The following TBX4 variants were observed in gnomAD, a reference collection of about 807,000 sequenced individuals.
TBX4 encodes T-box transcription factor 4.
TBX4 carries 13 observed loss-of-function variants against 54.6 expected under a neutral mutation model. The ratio of observed to expected loss-of-function variants is 0.24; its 90% CI spans 0.15 to 0.38. TBX4 has a LOEUF of 0.38. Among genes scored for constraint, TBX4 ranks in the 10% least tolerant of loss-of-function variants. TBX4 has a pLI of 1.00. For synonymous variants in TBX4, 314 were observed against 306.7 expected (o/e 1.02, Z -0.25); for missense variants, 631 against 728.5 (o/e 0.87, Z 1.54).
chr17:61,483,822 A>G lies in TBX4; in HGVS notation c.*306A>G, dbSNP rs1441593861. 9.6e-6 allele frequency: 4 copies of G among 415,288 alleles called. No homozygotes were observed. The highest frequency in any genetic ancestry group is 1.8e-5 in the Non-Finnish European group (4 of 220,212). 25.7% of individuals were successfully genotyped at this position (415,288 alleles called of 1,614,324 possible). On this transcript the variant is annotated 3_prime_UTR_variant, in exon 9 of 9. Coordinates refer to ENST00000644296, the MANE Select transcript of TBX4 (RefSeq NM_001321120.2). The surrounding 1 kb of genome is among the most constrained non-coding windows in gnomAD (Gnocchi z 6.6). ...ATGCCCGTGGGTGGGATGGGAGTGG[A>G]GGGTTCATATGAGTTATTGAGAGGG...
rs752070991 is a variant in TBX4 at position 61,478,725 on chromosome 17, C to T, written c.648C>T (p.Thr216=). 5 of 1,614,178 alleles carry T rather than the reference C, an allele frequency of 3.1e-6. No homozygotes were observed. Among genetic ancestry groups the T allele is most frequent in the Non-Finnish European group, 3.4e-6 (4 of 1,180,042 alleles). Residue 216 remains threonine, a synonymous_variant, in exon 6 of 9, where the codon ACC becomes ACT. Transcript: ENST00000644296. This position sits in a 1 kb window ranked among gnomAD's most constrained non-coding sequence, Gnocchi z 7.4. ...AFGSKNTAFC[T]HVFPETSFIS... The stretch of plus-strand genomic sequence containing the variant: ...GCTCCAAAAACACTGCTTTCTGCAC[C>T]CACGTGTTCCCAGAGACCTCCTTCA...
At chr17:61,455,064 T>G (rs1027084489) in intron 1 of TBX4, among the ~76,000 whole-genome samples, 14 of 152,196 alleles carry the variant, frequency 9.2e-5, no homozygotes, top group African/African-American at 2.9e-4. Context: ...GCGCTGGCCA[T>G]GTCCAGCGAG....
rs1258132210 is a variant in TBX4, at chr17:61,480,983, A to G, written c.1021+664A>G. 6.6e-6 allele frequency among the ~76,000 whole-genome samples: 1 copy of G among 152,210 alleles called. No individual in the cohort carries two copies. Among genetic ancestry groups the G allele is most frequent in the Non-Finnish European group, 1.5e-5 (1 of 68,044 alleles). Reference sequence around the variant, plus strand: ...TTGCAATGATTCGTGTTACTCCACCAGAAGACCTCATGGGGCTGCTGAAAT... The same window carrying G: ...TTGCAATGATTCGTGTTACTCCACCGGAAGACCTCATGGGGCTGCTGAAAT... On this transcript the variant is annotated intron_variant, in intron 8 of 8. Transcript: ENST00000644296. This position sits in a 1 kb window ranked among gnomAD's most constrained non-coding sequence, Gnocchi z 6.2.
At chr17:61,452,945 AG>A in intron 1 of TBX4, 3 of 985,464 alleles carry the variant, frequency 3.0e-6, no homozygotes, top group South Asian at 4.7e-5. Context: ...TGCAAGGCCA[AG>A]GAAGAGGGCC....
chr17:61,477,941 C>CAAAAAAAAAAAAAAAAAAGAAAAAA (rs2060633378), intron 5 of TBX4, among the ~76,000 whole-genome samples: 1 of 88,660 alleles, frequency 1.1e-5, no homozygotes, highest in Non-Finnish European at 2.3e-5. Flanking sequence ...GATTCCATCT[C>CAAAAAAAAAAAAAAAAAAGAAAAAA]AAAAAAAAAA....
chr17:61,469,001 CG>C (rs1569038571), intron 5 of TBX4, among the ~76,000 whole-genome samples: 2 of 152,148 alleles, frequency 1.3e-5, no homozygotes, highest in Non-Finnish European at 2.9e-5. Flanking sequence ...ACCTGGCCCA[CG>C]ACGGCACACA....
In TBX4 at chr17:61,478,850, A is replaced by G. The variant is rs1248778854; in HGVS notation, c.702+71A>G. On this transcript the variant is annotated intron_variant, in intron 6 of 8. Transcript: ENST00000644296. This position sits in a 1 kb window ranked among gnomAD's most constrained non-coding sequence, Gnocchi z 7.4. ...CTGCGTTCTCTTCCACCAGGCAGAG[A>G]GGCAGAGTGTGAAGCCAGAGTCCCA... 21 of 1,611,632 alleles carry G rather than the reference A, an allele frequency of 1.3e-5. No homozygotes were observed. The Admixed American group carries it at 3.5e-4, about 27-fold the overall frequency.
chr17:61,475,117 C>G lies in TBX4; in HGVS notation c.550-3510C>G, dbSNP rs1321225972. ...CCCTCACCTAGTGGCTCCCACCTGC[C>G]CCTGTAGGACTGGCAGCTTCCCTCT... On this transcript the variant is annotated intron_variant, in intron 5 of 8. Coordinates refer to ENST00000644296, the MANE Select transcript of TBX4 (RefSeq NM_001321120.2). The surrounding 1 kb of genome is among the most constrained non-coding windows in gnomAD (Gnocchi z 5.0). Among the ~76,000 whole-genome samples the G allele has an allele frequency of 1.3e-5, 2 of 152,198 alleles. No individual in the cohort carries two copies. The highest frequency in any genetic ancestry group is 2.4e-5 in the African/African-American group (1 of 41,458).
chr17:61,458,180 G>A (rs554605303), intron 3 of TBX4, among the ~76,000 whole-genome samples: 25 of 152,058 alleles, frequency 1.6e-4, no homozygotes, highest in Non-Finnish European at 2.9e-4. Flanking sequence ...TGTTGGGGGA[G>A]CGGCTCTCGG....
At position 61,457,658 on chromosome 17, in the gene TBX4, G is replaced by A. The variant is rs749846449; in HGVS notation, c.281+27G>A. ...TCAGCGCTGGGAGATTTACTTCCGGGGATGGCGGTGGGGAGCAAGGGGGGC... is the reference window on the plus strand; with the variant it reads ...TCAGCGCTGGGAGATTTACTTCCGGAGATGGCGGTGGGGAGCAAGGGGGGC... On this transcript the variant is annotated intron_variant, in intron 3 of 8. Transcript: ENST00000644296. The surrounding 1 kb of genome is among the most constrained non-coding windows in gnomAD (Gnocchi z 8.2). 6.2e-7 allele frequency: 1 copy of A among 1,609,558 alleles called. No individual in the cohort carries two copies. The highest frequency in any genetic ancestry group is 1.1e-5 in the South Asian group (1 of 90,886).
Position 61,456,690 on chromosome 17 carries a change from A to T in TBX4, c.186+14A>T. 7.3e-7 allele frequency: 1 copy of T among 1,377,406 alleles called. No individual in the cohort carries two copies. Among genetic ancestry groups the T allele is most frequent in the Non-Finnish European group, 9.4e-7 (1 of 1,063,178 alleles). The allele number at this position is 1,377,406 out of a possible 1,614,324, so 85.3% of individuals were successfully genotyped here. On this transcript the variant is annotated intron_variant, in intron 2 of 8. Coordinates refer to ENST00000644296, the MANE Select transcript of TBX4 (RefSeq NM_001321120.2). ...GCCGCGGAGCAGGTAGGGCTGCGCCAGCCGTCGGGTAGAAGTCGGGCGTCG... is the reference window on the plus strand; with the variant it reads ...GCCGCGGAGCAGGTAGGGCTGCGCCTGCCGTCGGGTAGAAGTCGGGCGTCG...
rs919228407 is a variant in TBX4, at chr17:61,457,276, C to T, written c.187-261C>T. On this transcript the variant is annotated intron_variant, in intron 2 of 8. Transcript: ENST00000644296. The surrounding 1 kb of genome is among the most constrained non-coding windows in gnomAD (Gnocchi z 8.2). ...AATGTTCATGAGTGAGCAGGAGTGT[C>T]GTCTAACCTGCGCTGGCCACTATGT... is the stretch of plus-strand genomic sequence containing the variant. 1.4e-5 allele frequency among the ~76,000 whole-genome samples: 2 copies of T among 147,686 alleles called. 1 individual carries two copies. The highest frequency in any genetic ancestry group is 5.0e-5 in the African/African-American group (2 of 40,374).
In TBX4 at chr17:61,461,648, G is replaced by A. The variant is rs2060495112; in HGVS notation, c.281+4017G>A. 1.3e-5 allele frequency among the ~76,000 whole-genome samples: 2 copies of A among 152,182 alleles called. No individual in the cohort carries two copies. Among genetic ancestry groups the A allele is most frequent in the Non-Finnish European group, 2.9e-5 (2 of 68,026 alleles). ...AGAGTCCACAGGTCTTAAGGGTGCA[G>A]CTTTACAGACTTGCACAAAATAAAC... On this transcript the variant is annotated intron_variant, in intron 3 of 8. Transcript: ENST00000644296. This position sits in a 1 kb window ranked among gnomAD's most constrained non-coding sequence, Gnocchi z 5.1.
At position 61,472,504 on chromosome 17, in the gene TBX4, C is replaced by G. The variant is rs1569040306; in HGVS notation, c.549+4847C>G. Among the ~76,000 whole-genome samples, 1 of 152,174 alleles carries G rather than the reference C, an allele frequency of 6.6e-6. No individual in the cohort carries two copies. The highest frequency in any genetic ancestry group is 1.5e-5 in the Non-Finnish European group (1 of 68,026). ...GGTTTTTGATATCAATTTCTAGGAA[C>G]TCTTATAAATTAGGAGGATGTAGCT... On this transcript the variant is annotated intron_variant, in intron 5 of 8. Coordinates refer to ENST00000644296, the MANE Select transcript of TBX4 (RefSeq NM_001321120.2). The surrounding 1 kb of genome is among the most constrained non-coding windows in gnomAD (Gnocchi z 4.5).
At chr17:61,454,242 AAAAAGC>A (rs1192402883) in intron 1 of TBX4, among the ~76,000 whole-genome samples, 1 of 152,282 alleles carries the variant, frequency 6.6e-6, no homozygotes, top group African/African-American at 2.4e-5. Context: ...AAAATATTTT[AAAAAGC>A]ACGAAATAGT....
In TBX4 at chr17:61,479,684, T is replaced by C. The variant is rs562096527; in HGVS notation, c.703-197T>C. Among the ~76,000 whole-genome samples, 3 of 152,018 alleles carry C rather than the reference T, an allele frequency of 2.0e-5. No homozygotes were observed. Among genetic ancestry groups the C allele is most frequent in the Non-Finnish European group, 4.4e-5 (3 of 67,952 alleles). On this transcript the variant is annotated intron_variant, in intron 6 of 8. Coordinates refer to ENST00000644296, the MANE Select transcript of TBX4 (RefSeq NM_001321120.2). The surrounding 1 kb of genome is among the most constrained non-coding windows in gnomAD (Gnocchi z 6.1). ...GACCTGCCCCAGTTCTGCCTGTGCC[T>C]GGGGTTGGGGAGGAGGGAAGGCCAG...
chr17:61,478,832 C>T lies in TBX4; in HGVS notation c.702+53C>T. 1.2e-6 allele frequency: 2 copies of T among 1,613,368 alleles called. No individual in the cohort carries two copies. The highest frequency in any genetic ancestry group is 1.7e-6 in the Non-Finnish European group (2 of 1,179,372). On this transcript the variant is annotated intron_variant, in intron 6 of 8. Transcript: ENST00000644296. The surrounding 1 kb of genome is among the most constrained non-coding windows in gnomAD (Gnocchi z 7.4). ...GCCCCACTTAACACCACCCTGCGTT[C>T]TCTTCCACCAGGCAGAGAGGCAGAG... is the stretch of plus-strand genomic sequence containing the variant.
rs115969902 is a variant in TBX4, at chr17:61,456,333, G to A, written c.-3-155G>A. On this transcript the variant is annotated intron_variant, in intron 1 of 8. Transcript: ENST00000644296. ...GAGGCGAGGGACCTGCCTTCCTTGC[G>A]GGTTCCCTCCTCCAGCTCAGGAGGG... 1,263 of 970,536 alleles carry A rather than the reference G, an allele frequency of 1.3e-3. 5 individuals are homozygous for A. In the African/African-American group the frequency reaches 0.018, roughly 14 times the overall value. 60.1% of individuals were successfully genotyped at this position (970,536 alleles called of 1,614,324 possible). A position where few individuals can be genotyped will look rare whatever the true frequency, so the allele number is the denominator to read the frequency against.
chr17:61,477,398 C>T (rs971056075), intron 5 of TBX4, among the ~76,000 whole-genome samples: 4 of 152,256 alleles, frequency 2.6e-5, no homozygotes, highest in African/African-American at 9.6e-5. Context: ...CTCCAGGGCG[C>T]TTTGCTAAGC....
Sources: allele counts gnomAD v4.1 joint callset (sites outside exome capture counted in the v4.1 genomes callset), GRCh38; gene constraint gnomAD v4.1.1; non-coding constraint Gnocchi (gnomAD v3.1); transcripts MANE v1.5; gene names NCBI Gene and HGNC (gene_info 2026-07-23, HGNC 2026-07-21).